The following PRKCQ variants were observed in gnomAD, a reference collection of about 807,000 sequenced individuals.
PRKCQ encodes protein kinase C theta.
PRKCQ carries 41 observed loss-of-function variants against 91.2 expected under a neutral mutation model. That is an observed-to-expected ratio of 0.45 (90% CI 0.35 to 0.58). The LOEUF is 0.58. Ranked by LOEUF, PRKCQ falls within the 20% of genes least tolerant of loss-of-function variation. The probability of loss-of-function intolerance (pLI) is 0.00; values close to 1 mark genes in which losing one functional copy is unlikely to be tolerated. For missense variants in PRKCQ, 673 were observed against 896.5 expected, an observed-to-expected ratio of 0.75 and a Z score of 3.18; for synonymous variants, 307 against 316.9, an observed-to-expected ratio of 0.97 and a Z score of 0.33.
chr10:6,420,957 A>T, the PRKCQ span, among the ~76,000 whole-genome samples: 1 of 151,884 alleles, frequency 6.6e-6, no homozygotes, highest in Admixed American at 6.6e-5. Flanking sequence ...GAGTTTTCTT[A>T]TACTATGTCT....
At chr10:6,428,905 G>A (rs1435333824) in intron 17 of PRKCQ, among the ~76,000 whole-genome samples, 1 of 152,188 alleles carries the variant, frequency 6.6e-6, no homozygotes, top group Non-Finnish European at 1.5e-5. Context: ...AGCACAGACT[G>A]GGACAGACTC....
chr10:6,550,995 T>TC (rs1840161875), intron 1 of PRKCQ, among the ~76,000 whole-genome samples: 1 of 152,180 alleles, frequency 6.6e-6, no homozygotes, highest in Admixed American at 6.6e-5. Context: ...GAGCATCTTC[T>TC]CTTTTTTTTA....
At position 6,456,694 on chromosome 10, in the gene PRKCQ, G is replaced by T. The variant is rs1459100144; in HGVS notation, c.1627C>A (p.Pro543Thr). 1.3e-5 allele frequency: 21 copies of T among 1,614,048 alleles called. No individual in the cohort carries two copies. The highest frequency in any genetic ancestry group is 1.6e-5 in the Non-Finnish European group (19 of 1,180,014). ...CCTACCTCTGGGGCGATGTAGTCAGGTGTCCCACAGAAGGTATTCGTCTTG... is the reference window on the plus strand; with the variant it reads ...CCTACCTCTGGGGCGATGTAGTCAGTTGTCCCACAGAAGGTATTCGTCTTG... ...DAKTNTFCGT[P>T]DYIAPEILLG... Residue 543 changes from proline (P) to threonine (T), a missense_variant, in exon 15 of 18, where the codon CCT (proline) becomes ACT (threonine). Physicochemically the swap from Pro to Thr is conservative, Grantham distance 38 (BLOSUM62 -1). Coordinates refer to ENST00000263125, the MANE Select transcript of PRKCQ (RefSeq NM_006257.5).
chr10:6,413,343 CTT>C, the PRKCQ span, among the ~76,000 whole-genome samples: 2 of 152,136 alleles, frequency 1.3e-5, no homozygotes, highest in East Asian at 3.8e-4. Context: ...AATATTAAAA[CTT>C]CTCATCAATG....
At chr10:6,493,459 C>T (rs929439816) in intron 7 of PRKCQ, among the ~76,000 whole-genome samples, 6 of 152,112 alleles carry the variant, frequency 3.9e-5, no homozygotes, top group Non-Finnish European at 8.8e-5. Context: ...TTATTTCTAT[C>T]GGACAATACT....
At chr10:6,451,142 GT>G (rs1834650720) in intron 15 of PRKCQ, among the ~76,000 whole-genome samples, 1 of 150,392 alleles carries the variant, frequency 6.6e-6, no homozygotes, top group African/African-American at 2.4e-5. Flanking sequence ...CCAGGAGCTG[GT>G]TTTTTGAAAG....
intron 4 of PRKCQ, among the ~76,000 whole-genome samples, chr10:6,498,762 C>T (rs1200663576): frequency 2.6e-5 from 4 of 152,154 alleles, no homozygotes; most frequent in Non-Finnish European, 1.5e-5. Flanking sequence ...CATCATAGGG[C>T]ATATTGTTAG....
At chr10:6,448,071 G>C (rs1184991260) in intron 15 of PRKCQ, among the ~76,000 whole-genome samples, 4 of 152,192 alleles carry the variant, frequency 2.6e-5, no homozygotes, top group Non-Finnish European at 5.9e-5. Flanking sequence ...AAGCTGGGGA[G>C]GGTTATTTAA....
At chr10:6,560,186 A>C (rs1488460950) in intron 1 of PRKCQ, among the ~76,000 whole-genome samples, 1 of 152,108 alleles carries the variant, frequency 6.6e-6, no homozygotes, top group Non-Finnish European at 1.5e-5. Flanking sequence ...AAGCCACCCT[A>C]ATGGGTGAAG....
intron 1 of PRKCQ, among the ~76,000 whole-genome samples, chr10:6,526,704 G>GCC (rs1839211450): frequency 6.6e-6 from 1 of 152,206 alleles, no homozygotes; most frequent in Non-Finnish European, 1.5e-5. Flanking sequence ...GACGAGGTGG[G>GCC]TGTGCCCATG....
intron 1 of PRKCQ, among the ~76,000 whole-genome samples, chr10:6,571,551 A>C (rs1345433867): frequency 6.6e-6 from 1 of 152,154 alleles, no homozygotes; most frequent in Non-Finnish European, 1.5e-5. Flanking sequence ...CACACCTGTA[A>C]TCCCAGCACT....
intron 15 of PRKCQ, among the ~76,000 whole-genome samples, chr10:6,453,162 G>A (rs923199312): frequency 2.2e-4 from 33 of 150,002 alleles, no homozygotes; most frequent in Admixed American, 3.3e-4. Flanking sequence ...GAAAATTTTC[G>A]CAACCTACTC....
intron 1 of PRKCQ, among the ~76,000 whole-genome samples, chr10:6,568,675 T>G (rs1461406392): frequency 6.6e-6 from 1 of 152,120 alleles, no homozygotes; most frequent in African/African-American, 2.4e-5. Context: ...TTTTTTTGTA[T>G]TTTTAGTAGA....
At chr10:6,580,363 G>T (rs1285908575), upstream of PRKCQ, 3 of 150,974 alleles carry the variant, frequency 2.0e-5, no homozygotes, top group East Asian at 2.0e-4. Flanking sequence ...AGAAGGCGGT[G>T]CCCGCCAGGG....
chr10:6,580,042 G>A (rs557729017), intron 1 of PRKCQ, among the ~76,000 whole-genome samples, 169 bp downstream of exon 1: 257 of 152,148 alleles, frequency 1.7e-3, no homozygotes, highest in Non-Finnish European at 3.2e-3. Context: ...AATTCTTCCC[G>A]GTGCGCTCTT....
intron 1 of PRKCQ, among the ~76,000 whole-genome samples, chr10:6,541,544 T>C (rs564535262): frequency 3.3e-5 from 5 of 152,316 alleles, no homozygotes; most frequent in African/African-American, 1.2e-4. Flanking sequence ...ATAGGAGTGT[T>C]ATGAGCCATT....
intron 12 of PRKCQ, among the ~76,000 whole-genome samples, chr10:6,469,941 C>A (rs984641606): frequency 6.6e-6 from 1 of 152,158 alleles, no homozygotes; most frequent in Non-Finnish European, 1.5e-5. Context: ...AGGCTACAAC[C>A]TGAATAGTCT....
chr10:6,450,438 G>C (rs1364669836), intron 15 of PRKCQ, among the ~76,000 whole-genome samples: 2 of 152,248 alleles, frequency 1.3e-5, no homozygotes, highest in Admixed American at 6.5e-5. Context: ...AGCAAGTCCT[G>C]AGTGACCTAT....
intron 14 of PRKCQ, among the ~76,000 whole-genome samples, chr10:6,460,738 G>A (rs1029211790): frequency 6.6e-6 from 1 of 152,094 alleles, no homozygotes; most frequent in African/African-American, 2.4e-5. Flanking sequence ...TGATCCATCT[G>A]CCTTGGCCTC....
Sources: gnomAD v4.1 joint callset for allele counts (sites outside exome capture counted in the v4.1 genomes callset) on GRCh38, gnomAD v4.1.1 for gene constraint, MANE v1.5 for transcripts, NCBI Gene and HGNC (gene_info 2026-07-23, HGNC 2026-07-21) for gene names.